KDR: variants seen among roughly 807,000 people sequenced by gnomAD.
KDR encodes kinase insert domain receptor, also known as vascular endothelial growth factor receptor 2.
KDR carries 43 observed loss-of-function variants against 160.9 expected under a neutral mutation model. The ratio of observed to expected loss-of-function variants is 0.27; its 90% CI spans 0.21 to 0.34. KDR has a LOEUF of 0.34. KDR is among the 10% of genes least tolerant of loss of function. KDR has a pLI of 1.00. For missense variants in KDR, 1,469 were observed against 1,666.4 expected (o/e 0.88, Z 2.06); for synonymous variants, 617 against 600.1 (o/e 1.03, Z -0.41).
At position 55,101,552 on chromosome 4, in the gene KDR, CA is replaced by C. The variant is rs368352744; in HGVS notation, c.2266+344del. On this transcript the variant is annotated intron_variant, in intron 15 of 29. Coordinates refer to ENST00000263923, the MANE Select transcript of KDR (RefSeq NM_002253.4). Reference sequence around the variant, plus strand: ...GTGCAGAATGCTCAGGTTTGTTACACAGGTAAACATGTGCCATGGTGATTTG... The same window carrying C: ...GTGCAGAATGCTCAGGTTTGTTACACGGTAAACATGTGCCATGGTGATTTG... Among the ~76,000 whole-genome samples, 381 of 152,150 alleles carry C rather than the reference CA, an allele frequency of 2.5e-3. 4 individuals carry two copies. Among genetic ancestry groups the C allele is most frequent in the African/African-American group, 8.5e-3 (354 of 41,506 alleles).
In KDR at chr4:55,110,775, G is replaced by T. The variant is rs202212689; in HGVS notation, c.977-7C>A. ...AAAGCAACAAAAGGTTTTTCTGGAA[G>T]AAAATAAAAAAAAAAAAAGGTCAAC... On this transcript the variant is annotated splice_polypyrimidine_tract_variant and splice_region_variant and intron_variant, in intron 7 of 29. Coordinates refer to ENST00000263923, the MANE Select transcript of KDR (RefSeq NM_002253.4). 1.3e-5 allele frequency: 18 copies of T among 1,386,994 alleles called. No homozygotes were observed. Among genetic ancestry groups the T allele is most frequent in the South Asian group, 2.8e-5 (2 of 71,298 alleles). 85.9% of individuals were successfully genotyped at this position (1,386,994 alleles called of 1,614,324 possible). A position where few individuals can be genotyped will look rare whatever the true frequency, so the allele number is the denominator to read the frequency against.
Position 55,114,275 on chromosome 4 carries a change from G to C in KDR, c.659-10C>G, listed in dbSNP as rs1720676747. On this transcript the variant is annotated splice_polypyrimidine_tract_variant and intron_variant, in intron 5 of 29. Transcript: ENST00000263923. Reference sequence around the variant, plus strand: ...TCATAAATCCTATACCCTAGAGCAAGTAAATTGAAAAAACAGAACATGAGA... The same window carrying C: ...TCATAAATCCTATACCCTAGAGCAACTAAATTGAAAAAACAGAACATGAGA... The C allele has an allele frequency of 6.2e-7, 1 of 1,613,038 alleles. No homozygotes were observed. The highest frequency in any genetic ancestry group is 1.3e-5 in the African/African-American group (1 of 74,876).
At chr4:55,121,522 C>CCA (rs1720873573) in intron 1 of KDR, among the ~76,000 whole-genome samples, 3 of 152,194 alleles carry the variant, frequency 2.0e-5, no homozygotes, top group African/African-American at 2.4e-5. Context: ...TGATCTCACT[C>CCA]CCTTGGGAAA....
chr4:55,092,429 T>C (rs1720041744), intron 22 of KDR, 188 bp downstream of exon 22: 2 of 618,834 alleles, frequency 3.2e-6, no homozygotes, highest in Non-Finnish European at 5.9e-6. Flanking sequence ...TTATACAGCT[T>C]AATTTCATGA....
At chr4:55,096,592 A>G in intron 18 of KDR, 2 of 529,640 alleles carry the variant, frequency 3.8e-6, no homozygotes, top group South Asian at 4.4e-5. Flanking sequence ...AACCTTTTGC[A>G]AAGCGGAGAA....
intron 13 of KDR, among the ~76,000 whole-genome samples, chr4:55,103,524 A>G (rs1720366828): frequency 6.6e-6 from 1 of 152,104 alleles, no homozygotes. Context: ...CTCTTTCTCA[A>G]TTCTGCCATA....
Position 55,115,059 on chromosome 4 carries a change from C to A in KDR, c.490-17G>T, listed in dbSNP as rs778310458. 1.9e-6 allele frequency: 3 copies of A among 1,602,724 alleles called. No individual in the cohort carries two copies. Among genetic ancestry groups the A allele is most frequent in the Admixed American group, 1.7e-5 (1 of 59,832 alleles). ...TGGGTATCTCTGGGTAATAAAAAGA[C>A]ATATCAAATATTTAATCCAGTACCA... On this transcript the variant is annotated splice_polypyrimidine_tract_variant and intron_variant, in intron 4 of 29. Transcript: ENST00000263923.
chr4:55,122,379 C>A (rs986536616), intron 1 of KDR, among the ~76,000 whole-genome samples: 1 of 152,188 alleles, frequency 6.6e-6, no homozygotes, highest in South Asian at 2.1e-4. Flanking sequence ...GGCTCCCAAG[C>A]TTTCTAAGTC....
chr4:55,106,254 G>A (rs557706231), intron 11 of KDR, among the ~76,000 whole-genome samples: 9 of 152,044 alleles, frequency 5.9e-5, no homozygotes, highest in Non-Finnish European at 1.2e-4. Flanking sequence ...GCACCATGTC[G>A]GCACTCAAAA....
At position 55,082,646 on chromosome 4, in the gene KDR, A is replaced by G; in HGVS notation, c.3663-11T>C. 6 of 1,603,292 alleles carry G rather than the reference A, an allele frequency of 3.7e-6. No homozygotes were observed. The highest frequency in any genetic ancestry group is 5.1e-6 in the Non-Finnish European group (6 of 1,170,320). ...TTCTGCAGATACTGACTGCAAAAGA[A>G]CAAATATTTATATTTTAGTGGTGGT... is the stretch of plus-strand genomic sequence containing the variant. On this transcript the variant is annotated splice_polypyrimidine_tract_variant and intron_variant, in intron 27 of 29. Transcript: ENST00000263923.
chr4:55,120,986 T>C (rs1186510365), intron 2 of KDR, 111 bp downstream of exon 2: 6 of 726,628 alleles, frequency 8.3e-6, no homozygotes, highest in Non-Finnish European at 1.4e-5. Flanking sequence ...TCACCACTTA[T>C]GAACAATTAC....
chr4:55,087,847 G>A, intron 26 of KDR, 89 bp from the exon 27 acceptor site: 1 of 1,190,450 alleles, frequency 8.4e-7, no homozygotes, highest in Admixed American at 1.7e-5. Flanking sequence ...GGACTTCTTG[G>A]CTACATAGGG....
intron 21 of KDR, among the ~76,000 whole-genome samples, chr4:55,093,974 C>T (rs540430149): frequency 2.0e-5 from 3 of 151,738 alleles, no homozygotes; most frequent in Non-Finnish European, 4.4e-5. Flanking sequence ...CTGAGGCAGG[C>T]GGATCACCTG....
chr4:55,118,130 C>T (rs1432071121), intron 3 of KDR, among the ~76,000 whole-genome samples: 2 of 152,036 alleles, frequency 1.3e-5, no homozygotes, highest in East Asian at 3.9e-4. Flanking sequence ...TTATGAAATA[C>T]TAGTAAGAAA....
intron 27 of KDR, among the ~76,000 whole-genome samples, chr4:55,087,212 C>A (rs1163377385): frequency 2.1e-4 from 32 of 152,196 alleles, no homozygotes; most frequent in Admixed American, 2.1e-3. Context: ...TGTTCTCATG[C>A]AAGCACAGAA....
intron 18 of KDR, chr4:55,096,758 T>C (rs1234614700): frequency 7.1e-6 from 2 of 282,522 alleles, no homozygotes; most frequent in African/African-American, 4.4e-5. Flanking sequence ...TTAGGGGCTA[T>C]ACCGAATGTT....
chr4:55,080,473 C>T (rs1719705645), intron 29 of KDR, among the ~76,000 whole-genome samples: 1 of 152,154 alleles, frequency 6.6e-6, no homozygotes, highest in African/African-American at 2.4e-5. Flanking sequence ...TATGGCCTCG[C>T]AGATTGACAA....
intron 15 of KDR, among the ~76,000 whole-genome samples, chr4:55,100,190 CTGGTTTGCAAAATAAGTAACAAAT>C (rs970113245): frequency 2.0e-5 from 3 of 152,128 alleles, no homozygotes; most frequent in African/African-American, 7.2e-5. Flanking sequence ...AAGTAAGAAA[CTGGTTTGCAAAATAAGTAACAAAT>C]TGGTTTGCAA....
At position 55,089,813 on chromosome 4, in the gene KDR, A is replaced by T; in HGVS notation, c.3193-11T>A. ...CAAAGGGAGGCGAGCCTACAGGGGT[A>T]GAAGACAAGGATTCAGAACCCAAAT... On this transcript the variant is annotated splice_polypyrimidine_tract_variant and intron_variant, in intron 23 of 29. Transcript: ENST00000263923. The T allele has an allele frequency of 6.2e-7, 1 of 1,612,716 alleles. No homozygotes were observed. The highest frequency in any genetic ancestry group is 8.5e-7 in the Non-Finnish European group (1 of 1,178,712).
Sources: allele counts gnomAD v4.1 joint callset (sites outside exome capture counted in the v4.1 genomes callset), GRCh38; gene constraint gnomAD v4.1.1; transcripts MANE v1.5; gene names NCBI Gene and HGNC (gene_info 2026-07-23, HGNC 2026-07-21).